Variants in ASIC2 observed in about 807,000 individuals in gnomAD.
ASIC2 encodes the protein acid sensing ion channel subunit 2.
Under a neutral mutation model 57.3 loss-of-function variants are expected in ASIC2, and 25 were observed. That is an observed-to-expected ratio of 0.44 (90% CI 0.32 to 0.61). The LOEUF (loss-of-function observed/expected upper bound fraction) is 0.61. ASIC2 is among the 20% of genes least tolerant of loss of function. The pLI is 0.06. For missense variants in ASIC2, 641 were observed against 738.1 expected (o/e 0.87, Z 1.52); for synonymous variants, 319 against 307.5 (o/e 1.04, Z -0.39).
At chr17:33,020,390 G>A (rs1020715346) in intron 7 of ASIC2, among the ~76,000 whole-genome samples, 1 of 152,164 alleles carries the variant, frequency 6.6e-6, no homozygotes, top group Non-Finnish European at 1.5e-5. Context: ...CAGGTAGGAG[G>A]CACCTGCCCC....
intron 1 of ASIC2, among the ~76,000 whole-genome samples, chr17:33,307,036 CT>C (rs1906207350): frequency 6.6e-6 from 1 of 152,100 alleles, no homozygotes; most frequent in Admixed American, 6.5e-5. Context: ...GAAAGGCTAG[CT>C]TATAAAGCCC....
At chr17:33,378,889 G>C (rs1326390975) in intron 1 of ASIC2, among the ~76,000 whole-genome samples, 1 of 152,204 alleles carries the variant, frequency 6.6e-6, no homozygotes, top group Non-Finnish European at 1.5e-5. Flanking sequence ...GAATGAACTT[G>C]AGATTTGGAG....
chr17:33,743,319 A>G (rs1351638213), intron 1 of ASIC2, among the ~76,000 whole-genome samples: 3 of 152,258 alleles, frequency 2.0e-5, no homozygotes, highest in Admixed American at 6.5e-5. Context: ...CTTGCTCCCT[A>G]TCTTCCACCC....
At chr17:33,110,571 C>T (rs2092253454) in intron 2 of ASIC2, among the ~76,000 whole-genome samples, 1 of 152,150 alleles carries the variant, frequency 6.6e-6, no homozygotes, top group Admixed American at 6.5e-5. Context: ...GTTGGAGGAG[C>T]AGAGGACTGG....
At chr17:33,868,727 A>G (rs1185200502) in intron 1 of ASIC2, among the ~76,000 whole-genome samples, 2 of 152,172 alleles carry the variant, frequency 1.3e-5, no homozygotes, top group Admixed American at 1.3e-4. Context: ...TCCCAAATAT[A>G]TAAGGAACTC....
At chr17:33,305,918 C>T (rs1906152648) in intron 1 of ASIC2, among the ~76,000 whole-genome samples, 1 of 152,152 alleles carries the variant, frequency 6.6e-6, no homozygotes, top group Non-Finnish European at 1.5e-5. Context: ...TAAAAGCTTC[C>T]CTATAGCCAT....
At chr17:33,861,763 C>T (rs755973685) in intron 1 of ASIC2, among the ~76,000 whole-genome samples, 37 of 152,296 alleles carry the variant, frequency 2.4e-4, no homozygotes, top group Middle Eastern at 3.4e-3. Context: ...TAGGAAAGTT[C>T]TGTGTGCCTT....
chr17:33,851,378 T>C (rs1597902305), intron 1 of ASIC2, among the ~76,000 whole-genome samples: 1 of 151,926 alleles, frequency 6.6e-6, no homozygotes, highest in South Asian at 2.1e-4. Context: ...AGCCGAGGGG[T>C]AGTCAGACTT....
At chr17:33,827,315 C>T (rs1320963174) in intron 1 of ASIC2, among the ~76,000 whole-genome samples, 4 of 125,664 alleles carry the variant, frequency 3.2e-5, no homozygotes, top group Admixed American at 2.4e-4. Flanking sequence ...ACCCATAGGA[C>T]TAGGTCCTGT....
At chr17:33,258,578 G>A (rs1046116131) in intron 1 of ASIC2, among the ~76,000 whole-genome samples, 1 of 152,162 alleles carries the variant, frequency 6.6e-6, no homozygotes, top group Non-Finnish European at 1.5e-5. Context: ...AAAGTACAGC[G>A]GCCCTGAGGT....
intron 1 of ASIC2, among the ~76,000 whole-genome samples, chr17:33,182,725 G>A (rs1377060676): frequency 6.6e-6 from 1 of 152,116 alleles, no homozygotes; most frequent in Non-Finnish European, 1.5e-5. Context: ...TGAGATCCTT[G>A]TCATTGTATT....
chr17:33,935,329 G>A (rs577430837), intron 1 of ASIC2: 1 of 152,310 alleles, frequency 6.6e-6, no homozygotes, highest in East Asian at 1.9e-4. Flanking sequence ...ATTATCATCA[G>A]CCCACTAGCC....
At chr17:33,351,251 C>T (rs996800781) in intron 1 of ASIC2, among the ~76,000 whole-genome samples, 2 of 152,062 alleles carry the variant, frequency 1.3e-5, no homozygotes, top group Non-Finnish European at 2.9e-5. Context: ...CTGACTGCCC[C>T]TCCCTACTTC....
In ASIC2 at chr17:33,657,621, G is replaced by C. The variant is rs193137675; in HGVS notation, c.555+498357C>G. Among the ~76,000 whole-genome samples, 282 of 152,142 alleles carry C rather than the reference G, an allele frequency of 1.9e-3. 1 individual carries two copies. Among genetic ancestry groups the C allele is most frequent in the African/African-American group, 6.6e-3 (272 of 41,504 alleles). On this transcript the variant is annotated intron_variant, in intron 1 of 9. Coordinates refer to the ASIC2 transcript ENST00000359872. ...TCACTTAACTAAATGAGGTGCTTGG[G>C]GAATGGAAGGTGGGAGCAGTCTGCA...
intron 1 of ASIC2, among the ~76,000 whole-genome samples, chr17:33,263,797 A>G (rs1909368175): frequency 6.6e-6 from 1 of 152,216 alleles, no homozygotes; most frequent in East Asian, 1.9e-4. Flanking sequence ...TCTGCTTACA[A>G]GAAGAATTCC....
At chr17:33,255,578 A>G (rs1909036945) in intron 1 of ASIC2, among the ~76,000 whole-genome samples, 1 of 129,114 alleles carries the variant, frequency 7.7e-6, no homozygotes, top group Non-Finnish European at 1.6e-5. Flanking sequence ...GGTTACATCA[A>G]GAGGAGGGGG....
At chr17:33,361,241 C>T (rs1267186689) in intron 1 of ASIC2, among the ~76,000 whole-genome samples, 1 of 152,124 alleles carries the variant, frequency 6.6e-6, no homozygotes, top group African/African-American at 2.4e-5. Flanking sequence ...GAACTGGGCT[C>T]AGGGAACAAA....
rs71379423 is a variant in ASIC2 at position 33,868,603 on chromosome 17, A to T, written c.555+287375T>A. On this transcript the variant is annotated intron_variant, in intron 1 of 9. Coordinates refer to the ASIC2 transcript ENST00000359872. ...AGGAACAAAAGAAAAAATAGATTGG[A>T]CTTCATTAAAATTAAAACTTTTGTG... Among the ~76,000 whole-genome samples the T allele has an allele frequency of 8.6e-3, 1,307 of 152,308 alleles. 16 individuals carry two copies. The highest frequency in any genetic ancestry group is 0.031 in the South Asian group (148 of 4,830).
intron 1 of ASIC2, chr17:33,827,832 C>T (rs1194536435): frequency 2.0e-5 from 3 of 152,068 alleles, no homozygotes; most frequent in East Asian, 3.9e-4. Flanking sequence ...GGGTTTTAAG[C>T]CTTGTGTACA....
Sources: allele counts gnomAD v4.1 joint callset (sites outside exome capture counted in the v4.1 genomes callset), GRCh38; gene constraint gnomAD v4.1.1; transcripts MANE v1.5; gene names NCBI Gene and HGNC (gene_info 2026-07-23, HGNC 2026-07-21).